KITLG: variants seen among roughly 807,000 people sequenced by gnomAD.
KITLG encodes KIT ligand, also known as c-Kit ligand.
KITLG carries 13 observed loss-of-function variants against 34.1 expected under a neutral mutation model. That is an observed-to-expected ratio of 0.38 (90% CI 0.25 to 0.61). The LOEUF (loss-of-function observed/expected upper bound fraction) is 0.61, where lower values mean the gene tolerates loss of function less well. Ranked by LOEUF, KITLG falls within the 20% of genes least tolerant of loss-of-function variation. The pLI is 0.60. For synonymous variants in KITLG, 110 were observed against 104.0 expected (o/e 1.06, Z -0.35); for missense variants, 292 against 318.9 (o/e 0.92, Z 0.64).
chr12:88,551,806 G>T (rs987352997), intron 1 of KITLG, among the ~76,000 whole-genome samples: 1 of 152,104 alleles, frequency 6.6e-6, no homozygotes, highest in Non-Finnish European at 1.5e-5. Flanking sequence ...CACCACACAT[G>T]GCAAAATGGA....
chr12:88,538,016 TC>T (rs1273088912), intron 2 of KITLG, among the ~76,000 whole-genome samples: 4 of 152,140 alleles, frequency 2.6e-5, no homozygotes, highest in African/African-American at 9.7e-5. Flanking sequence ...TTTACATGTG[TC>T]ACATGGGAAT....
intron 4 of KITLG, among the ~76,000 whole-genome samples, 172 bp downstream of exon 4, chr12:88,518,525 G>A (rs1265997604): frequency 6.6e-6 from 1 of 152,146 alleles, no homozygotes. Flanking sequence ...CAGTATTGCA[G>A]TATAACTGCA....
chr12:88,496,140 A>G lies in KITLG; in HGVS notation c.*1079T>C, dbSNP rs1472831403. ...TTAAACAGATAATGGTGATTATACTATAAATAACTAAAGTTTCCTGATTCC... is the reference window on the plus strand; with the variant it reads ...TTAAACAGATAATGGTGATTATACTGTAAATAACTAAAGTTTCCTGATTCC... On this transcript the variant is annotated 3_prime_UTR_variant, in exon 10 of 10. Transcript: ENST00000644744. The G allele has an allele frequency of 1.3e-5, 2 of 152,186 alleles. No individual in the cohort carries two copies. The highest frequency in any genetic ancestry group is 2.9e-5 in the Non-Finnish European group (2 of 68,032). 9.4% of individuals were successfully genotyped at this position (152,186 alleles called of 1,614,324 possible). A position where few individuals can be genotyped will look rare whatever the true frequency, so the allele number is the denominator to read the frequency against.
At chr12:88,500,072 G>A (rs749348638) in intron 9 of KITLG, among the ~76,000 whole-genome samples, 2 of 152,106 alleles carry the variant, frequency 1.3e-5, no homozygotes, top group Non-Finnish European at 2.9e-5. Flanking sequence ...TCAAACCGAT[G>A]CTCACCCTTT....
intron 3 of KITLG, among the ~76,000 whole-genome samples, chr12:88,524,695 T>C (rs934602873): frequency 6.6e-6 from 1 of 152,306 alleles, no homozygotes; most frequent in African/African-American, 2.4e-5. Context: ...AACAGCATCT[T>C]AATATAATCA....
Position 88,492,946 on chromosome 12 carries a change from CTTT to C in KITLG, c.*4270_*4272del, listed in dbSNP as rs995447255. On this transcript the variant is annotated 3_prime_UTR_variant, in exon 10 of 10. Coordinates refer to ENST00000644744, the MANE Select transcript of KITLG (RefSeq NM_000899.5). ...ACACATACACATCACATTTTACAAC[CTTT>C]TTTATTTAATTAAATTTCAGTCATA... The C allele has an allele frequency of 1.1e-4, 16 of 152,206 alleles. No homozygotes were observed. Among genetic ancestry groups the C allele is most frequent in the Admixed American group, 2.6e-4 (4 of 15,184 alleles). 9.4% of individuals were successfully genotyped at this position (152,206 alleles called of 1,614,324 possible).
At chr12:88,552,344 T>C (rs1220576282) in intron 1 of KITLG, among the ~76,000 whole-genome samples, 2 of 149,830 alleles carry the variant, frequency 1.3e-5, no homozygotes, top group African/African-American at 5.0e-5. Context: ...CTGGCCTTTT[T>C]CTTTTCTTTT....
At chr12:88,578,741 T>C (rs2120999972) in intron 1 of KITLG, among the ~76,000 whole-genome samples, 1 of 152,284 alleles carries the variant, frequency 6.6e-6, no homozygotes, top group African/African-American at 2.4e-5. Context: ...GCTCTTTTCC[T>C]GAACTAGAAG....
chr12:88,536,428 G>A (rs1023080558), intron 2 of KITLG, among the ~76,000 whole-genome samples: 8 of 152,110 alleles, frequency 5.3e-5, no homozygotes, highest in East Asian at 1.9e-4. Context: ...ATAGTGTAGC[G>A]ATTCCTCAAG....
intron 3 of KITLG, 50 bp from the exon 4 acceptor site, chr12:88,518,917 C>T: frequency 6.6e-7 from 1 of 1,525,580 alleles, no homozygotes; most frequent in Non-Finnish European, 9.0e-7. Flanking sequence ...TAAGTAAGTG[C>T]CATAAAACTC....
chr12:88,545,519 A>T (rs553732472), intron 2 of KITLG, among the ~76,000 whole-genome samples: 1 of 152,292 alleles, frequency 6.6e-6, no homozygotes, highest in East Asian at 1.9e-4. Context: ...CCAGCAAAGA[A>T]GCAGTCACAG....
At chr12:88,552,661 T>A (rs188914688) in intron 1 of KITLG, among the ~76,000 whole-genome samples, 20 of 152,262 alleles carry the variant, frequency 1.3e-4, no homozygotes, top group African/African-American at 4.6e-4. Flanking sequence ...CCCGCACCCT[T>A]TATTTTAAGC....
chr12:88,535,884 A>G (rs1415895149), intron 2 of KITLG, among the ~76,000 whole-genome samples: 2 of 152,160 alleles, frequency 1.3e-5, no homozygotes, highest in African/African-American at 4.8e-5. Flanking sequence ...ACTATTCAAC[A>G]CATACAAAAA....
At chr12:88,537,690 A>G (rs765111460) in intron 2 of KITLG, among the ~76,000 whole-genome samples, 1 of 152,120 alleles carries the variant, frequency 6.6e-6, no homozygotes, top group Non-Finnish European at 1.5e-5. Context: ...AAAAAAATGA[A>G]ATCTGAAACA....
rs1319222049 is a variant in KITLG at position 88,493,342 on chromosome 12, A to G, written c.*3877T>C. The G allele has an allele frequency of 1.3e-5, 2 of 152,312 alleles. No individual in the cohort carries two copies. The highest frequency in any genetic ancestry group is 2.9e-5 in the Non-Finnish European group (2 of 67,842). The allele number at this position is 152,312 out of a possible 1,614,324, so 9.4% of individuals were successfully genotyped here. On this transcript the variant is annotated 3_prime_UTR_variant, in exon 10 of 10. Transcript: ENST00000644744. The stretch of plus-strand genomic sequence containing the variant: ...CTTAGTAAACATTTCAGGATCACAA[A>G]TATCCATTTTAGCATGGATTATTTC...
intron 3 of KITLG, among the ~76,000 whole-genome samples, chr12:88,520,725 C>A (rs1277844615): frequency 6.6e-6 from 1 of 151,760 alleles, no homozygotes; most frequent in African/African-American, 2.4e-5. Context: ...TGATTTGTTT[C>A]TTATTTTTAA....
intron 5 of KITLG, 34 bp from the exon 6 acceptor site, chr12:88,515,651 T>C (rs377394513): frequency 2.3e-5 from 34 of 1,489,668 alleles, no homozygotes; most frequent in Non-Finnish European, 3.2e-5. Flanking sequence ...CAGTGTTATA[T>C]GGTGATTTGT....
At chr12:88,563,939 G>A (rs1020741998) in intron 1 of KITLG, among the ~76,000 whole-genome samples, 40 of 148,324 alleles carry the variant, frequency 2.7e-4, no homozygotes, top group Non-Finnish European at 5.7e-4. Flanking sequence ...TCCAGCAGGG[G>A]CAACAAGAGC....
chr12:88,539,533 C>T (rs774799804), intron 2 of KITLG, among the ~76,000 whole-genome samples: 1 of 151,890 alleles, frequency 6.6e-6, no homozygotes, highest in Non-Finnish European at 1.5e-5. Context: ...AATTATCTAC[C>T]ACTAATATTG....
Sources: gnomAD v4.1 joint callset for allele counts (sites outside exome capture counted in the v4.1 genomes callset) on GRCh38, gnomAD v4.1.1 for gene constraint, MANE v1.5 for transcripts, NCBI Gene and HGNC (gene_info 2026-07-23, HGNC 2026-07-21) for gene names.